Variants in FBN1 observed in about 807,000 individuals in gnomAD.
FBN1 encodes fibrillin-1.
FBN1 carries 29 observed loss-of-function variants against 365.1 expected under a neutral mutation model. The ratio of observed to expected loss-of-function variants is 0.08; its 90% confidence interval spans 0.06 to 0.11. FBN1 has a LOEUF of 0.11. Ranked by LOEUF, FBN1 falls within the 10% of genes least tolerant of loss-of-function variation. The pLI is 1.00. For missense variants in FBN1, 2,476 were observed against 3,703.2 expected, an observed-to-expected ratio of 0.67 and a Z score of 8.60; for synonymous variants, 1,210 against 1,270.5, an observed-to-expected ratio of 0.95 and a Z score of 1.01.
chr15:48,534,634 T>C (rs1242563645), intron 7 of FBN1, among the ~76,000 whole-genome samples: 1 of 152,262 alleles, frequency 6.6e-6, no homozygotes, highest in Non-Finnish European at 1.5e-5. Flanking sequence ...ACAATGAAAC[T>C]ACCTTTAAGA....
intron 6 of FBN1, among the ~76,000 whole-genome samples, chr15:48,571,826 G>GA (rs2044307814): frequency 6.6e-6 from 1 of 151,860 alleles, no homozygotes; most frequent in Non-Finnish European, 1.5e-5. Context: ...CGAAATAACA[G>GA]AAAAAAATTA....
chr15:48,616,358 C>T (rs1337748479), intron 2 of FBN1, among the ~76,000 whole-genome samples: 1 of 152,156 alleles, frequency 6.6e-6, no homozygotes, highest in Non-Finnish European at 1.5e-5. Context: ...TGGCTCAACG[C>T]AAAGTATTTG....
At chr15:48,568,069 A>AAAG (rs2044274389) in intron 6 of FBN1, among the ~76,000 whole-genome samples, 1 of 140,122 alleles carries the variant, frequency 7.1e-6, no homozygotes. Flanking sequence ...AGAAAGAAAG[A>AAAG]AAGAAAGAAA....
At position 48,634,862 on chromosome 15, in the gene FBN1, CACACA is replaced by C. The variant is rs1566942973; in HGVS notation, c.164+9739_164+9743del. Among the ~76,000 whole-genome samples the C allele has an allele frequency of 7.0e-3, 418 of 59,354 alleles. 10 individuals carry two copies. Among genetic ancestry groups the C allele is most frequent in the African/African-American group, 0.053 (402 of 7,644 alleles). 38.9% of individuals were successfully genotyped at this position (59,354 alleles called of 152,430 possible). A position where few individuals can be genotyped will look rare whatever the true frequency, so the allele number is the denominator to read the frequency against. On this transcript the variant is annotated intron_variant, in intron 2 of 65. Coordinates refer to ENST00000316623, the MANE Select transcript of FBN1 (RefSeq NM_000138.5). ...CCAAAAAAAAAAAAAAAAAACCACACACACACACACACACACACACACACACACAC... is the reference window on the plus strand; with the variant it reads ...CCAAAAAAAAAAAAAAAAAACCACACCACACACACACACACACACACACAC...
intron 6 of FBN1, among the ~76,000 whole-genome samples, chr15:48,593,222 C>T (rs142272370): frequency 6.3e-4 from 96 of 152,202 alleles, no homozygotes; most frequent in African/African-American, 2.2e-3. Flanking sequence ...AGTATGACCC[C>T]CAAAGGCGTA....
chr15:48,505,606 G>C (rs541045724), intron 15 of FBN1, among the ~76,000 whole-genome samples: 1 of 152,210 alleles, frequency 6.6e-6, no homozygotes, highest in Admixed American at 6.5e-5. Context: ...TTGGCTCTCT[G>C]GGAAAATTCG....
At chr15:48,588,704 A>G (rs2044454114) in intron 6 of FBN1, among the ~76,000 whole-genome samples, 1 of 152,240 alleles carries the variant, frequency 6.6e-6, no homozygotes, top group Non-Finnish European at 1.5e-5. Context: ...ATGACCTCTT[A>G]AACCTTTATG....
chr15:48,532,048 T>TAC, intron 8 of FBN1, among the ~76,000 whole-genome samples: 2 of 152,340 alleles, frequency 1.3e-5, no homozygotes, highest in South Asian at 4.1e-4. Flanking sequence ...GTCCACTGGA[T>TAC]ACACCACCAT....
intron 10 of FBN1, among the ~76,000 whole-genome samples, chr15:48,519,619 A>C (rs2043833960): frequency 6.6e-6 from 1 of 152,214 alleles, no homozygotes; most frequent in Admixed American, 6.5e-5. Context: ...CAGATCCTTA[A>C]CAAGAAAAGA....
intron 10 of FBN1, 34 bp from the exon 11 acceptor site, chr15:48,516,396 T>C: frequency 6.2e-7 from 1 of 1,606,212 alleles, no homozygotes; most frequent in Non-Finnish European, 8.5e-7. Flanking sequence ...ACACAACAGC[T>C]GAGCTGTAGC....
intron 24 of FBN1, 68 bp from the exon 25 acceptor site, chr15:48,490,146 TC>T: frequency 7.7e-7 from 1 of 1,299,292 alleles, no homozygotes; most frequent in East Asian, 2.3e-5. Context: ...CTGCCAACAC[TC>T]TGTTAGGTAA....
rs776310363 is a variant in FBN1 at position 48,448,826 on chromosome 15, G to T, written c.5613C>A (p.Ser1871Arg). The change falls in exon 46 of 66, where the codon AGC becomes AGA. Residue 1871 changes from serine (S) to arginine (R), a missense_variant. Ser to Arg is a moderately radical substitution (Grantham distance 110). This residue lies in a region of FBN1 where 1,780 missense variants were observed against 2,840.8 expected (regional missense o/e 0.63). Coordinates refer to ENST00000316623, the MANE Select transcript of FBN1 (RefSeq NM_000138.5). ...SHGQCIDTVG[S>R]FYCLCHTGFK... is the part of the protein sequence containing the mutation. The stretch of plus-strand genomic sequence containing the variant: ...AACCAGTGTGGCAAAGGCAATAAAA[G>T]CTTCCAACTGTGTCAATGCACTGCC... The T allele has an allele frequency of 1.9e-6, 3 of 1,612,786 alleles. No individual in the cohort carries two copies. Among genetic ancestry groups the T allele is most frequent in the Non-Finnish European group, 2.5e-6 (3 of 1,179,150 alleles).
At position 48,415,753 on chromosome 15, in the gene FBN1, G is replaced by A. The variant is rs915358842; in HGVS notation, c.7834C>T (p.Leu2612Phe). Reference sequence around the variant, plus strand: ...GCTCCTCCGCAGATGTGAGCGCTGAGGCATTCGTTTTCATCTGCAGGCAAA... The same window carrying A: ...GCTCCTCCGCAGATGTGAGCGCTGAAGCATTCGTTTTCATCTGCAGGCAAA... ...WNQCVDENECLSAHICGGASC... is the reference protein window; with the variant it reads ...WNQCVDENECFSAHICGGASC... The change falls in exon 64 of 66, where the codon CTC becomes TTC. Residue 2612 changes from leucine (L) to phenylalanine (F), a missense_variant. Physicochemically the swap from Leu to Phe is conservative, Grantham distance 22. This residue lies in a region of FBN1 where 1,780 missense variants were observed against 2,840.8 expected (regional missense o/e 0.63). Transcript: ENST00000316623. 1.9e-6 allele frequency: 3 copies of A among 1,613,984 alleles called. No individual in the cohort carries two copies. In the Admixed American group the frequency reaches 5.0e-5, roughly 27 times the overall value.
At chr15:48,622,889 A>G (rs111875121) in intron 2 of FBN1, among the ~76,000 whole-genome samples, 120 of 152,278 alleles carry the variant, frequency 7.9e-4, no homozygotes, top group African/African-American at 2.8e-3. Context: ...TTCCATTTCA[A>G]TATGTAGTTC....
At chr15:48,452,858 C>A (rs1442339495) in intron 44 of FBN1, among the ~76,000 whole-genome samples, 174 bp from the exon 45 acceptor site, 3 of 152,162 alleles carry the variant, frequency 2.0e-5, no homozygotes, top group Non-Finnish European at 4.4e-5. Flanking sequence ...ACCAAGATGT[C>A]CTTCGATAGG....
At chr15:48,516,161 T>C (rs1371068496) in intron 11 of FBN1, 22 bp downstream of exon 11, 45 of 1,598,912 alleles carry the variant, frequency 2.8e-5, no homozygotes, top group Middle Eastern at 1.7e-4. Context: ...GAAAAATAAC[T>C]AGATGATTTT....
Position 48,604,911 on chromosome 15 carries a change from T to C in FBN1, c.347-4677A>G, listed in dbSNP as rs750662259. Among the ~76,000 whole-genome samples, 9 of 152,282 alleles carry C rather than the reference T, an allele frequency of 5.9e-5. No individual in the cohort carries two copies. In the East Asian group the frequency reaches 1.2e-3, roughly 20 times the overall value. ...TACACCCTTAGAGCTCAGATTTGCA[T>C]TGGGAGTACAAATGCCCCAAACTCT... On this transcript the variant is annotated intron_variant, in intron 4 of 65. Transcript: ENST00000316623.
At chr15:48,575,027 A>G (rs1049436630) in intron 6 of FBN1, among the ~76,000 whole-genome samples, 1 of 152,254 alleles carries the variant, frequency 6.6e-6, no homozygotes, top group Admixed American at 6.5e-5. Flanking sequence ...GGTTAAACAT[A>G]AAAACGGGTT....
chr15:48,645,522 A>G, intron 1 of FBN1, 53 bp downstream of exon 1: 1 of 152,716 alleles, frequency 6.5e-6, no homozygotes, highest in Non-Finnish European at 1.5e-5. Context: ...CCGTGGCCGC[A>G]GCTCCAGCCC....
Sources: gnomAD v4.1 joint callset for allele counts (sites outside exome capture counted in the v4.1 genomes callset) on GRCh38, gnomAD v4.1.1 for gene constraint, gnomAD v4.1.1 regional missense constraint, MANE v1.5 for transcripts, NCBI Gene and HGNC (gene_info 2026-07-23, HGNC 2026-07-21) for gene names.